The following USP6NL variants were observed in gnomAD, a reference collection of about 807,000 sequenced individuals.
The protein encoded by USP6NL is USP6 N-terminal like.
A neutral mutation model predicts 61.9 loss-of-function variants in USP6NL; 26 were observed. The observed-to-expected ratio is 0.42, with a 90% CI of 0.31 to 0.58. USP6NL has a LOEUF of 0.58. Among genes scored for constraint, USP6NL ranks in the 20% least tolerant of loss-of-function variants. USP6NL has a pLI of 0.16. For missense variants in USP6NL, 1,114 were observed against 1,034.3 expected (o/e 1.08, Z -1.06); for synonymous variants, 432 against 390.1 (o/e 1.11, Z -1.27).
At chr10:11,500,269 G>A (rs1834121348) in intron 7 of USP6NL, among the ~76,000 whole-genome samples, 1 of 151,840 alleles carries the variant, frequency 6.6e-6, no homozygotes, top group Non-Finnish European at 1.5e-5. Context: ...AACCACCATG[G>A]CATGGCACAC....
In USP6NL at chr10:11,484,848, T is replaced by A. The variant is rs914599608; in HGVS notation, c.925+123A>T. ...AATTGATGATAATTTCTCCACTGATTTTCAAAAAAAATTTAAACCACTATT... is the reference window on the plus strand; with the variant it reads ...AATTGATGATAATTTCTCCACTGATATTCAAAAAAAATTTAAACCACTATT... On this transcript the variant is annotated intron_variant, in intron 13 of 14. Coordinates refer to ENST00000609104, the MANE Select transcript of USP6NL (RefSeq NM_014688.5). 5 of 724,654 alleles carry A rather than the reference T, an allele frequency of 6.9e-6. No individual in the cohort carries two copies. The East Asian group carries it at 1.2e-4, about 17-fold the overall frequency. The allele number at this position is 724,654 out of a possible 1,614,324, so 44.9% of individuals were successfully genotyped here. A position where few individuals can be genotyped will look rare whatever the true frequency, so the allele number is the denominator to read the frequency against.
In USP6NL at chr10:11,499,760, G is replaced by A. The variant is rs1176054356; in HGVS notation, c.384+1341C>T. ...CCCTGAGAGAAAGTGTTGTCCTGCT[G>A]ACACCTTAATTTTGGACTTCTGTCC... On this transcript the variant is annotated intron_variant, in intron 7 of 14. Transcript: ENST00000609104. The surrounding 1 kb of genome is among the most constrained non-coding windows in gnomAD (Gnocchi z 4.5). Among the ~76,000 whole-genome samples the A allele has an allele frequency of 6.6e-6, 1 of 152,202 alleles. No homozygotes were observed. Among genetic ancestry groups the A allele is most frequent in the Non-Finnish European group, 1.5e-5 (1 of 68,040 alleles).
intron 2 of USP6NL, among the ~76,000 whole-genome samples, chr10:11,542,456 T>G (rs576825764): frequency 4.9e-4 from 75 of 152,250 alleles, no homozygotes; most frequent in Non-Finnish European, 9.7e-4. Flanking sequence ...CAGTGGCTCA[T>G]GCCTGTAATC....
In USP6NL at chr10:11,595,663, G is replaced by C. The variant is rs932443386; in HGVS notation, c.4+1968C>G. 3.3e-5 allele frequency among the ~76,000 whole-genome samples: 5 copies of C among 150,008 alleles called. No homozygotes were observed. The highest frequency in any genetic ancestry group is 1.2e-4 in the African/African-American group (5 of 41,346). On this transcript the variant is annotated intron_variant, in intron 2 of 14. Coordinates refer to ENST00000609104, the MANE Select transcript of USP6NL (RefSeq NM_014688.5). This position sits in a 1 kb window ranked among gnomAD's most constrained non-coding sequence, Gnocchi z 5.3. Reference sequence around the variant, plus strand: ...AAAACAAAAATCACAAAAAGAAAGAGAGAGACATAAGAGCAAAAAAACTTC... The same window carrying C: ...AAAACAAAAATCACAAAAAGAAAGACAGAGACATAAGAGCAAAAAAACTTC...
chr10:11,600,165 A>G lies in USP6NL; in HGVS notation c.-83-2448T>C, dbSNP rs1838470772. On this transcript the variant is annotated intron_variant, in intron 1 of 14. Coordinates refer to ENST00000609104, the MANE Select transcript of USP6NL (RefSeq NM_014688.5). The surrounding 1 kb of genome is among the most constrained non-coding windows in gnomAD (Gnocchi z 4.1). ...GGAAAAAGTAATGTCTTAAACCCAT[A>G]ATTTCACATCAAATTATATTGGGAT... Among the ~76,000 whole-genome samples the G allele has an allele frequency of 6.6e-6, 1 of 152,178 alleles. No individual in the cohort carries two copies. Among genetic ancestry groups the G allele is most frequent in the Non-Finnish European group, 1.5e-5 (1 of 68,040 alleles).
chr10:11,590,413 C>CA (rs946317226), intron 2 of USP6NL, among the ~76,000 whole-genome samples: 4 of 151,902 alleles, frequency 2.6e-5, no homozygotes, highest in South Asian at 2.1e-4. Flanking sequence ...GTGTTCAATG[C>CA]AAAAAAATGA....
At chr10:11,567,855 C>CT (rs1837220617) in intron 2 of USP6NL, among the ~76,000 whole-genome samples, 2 of 152,190 alleles carry the variant, frequency 1.3e-5, no homozygotes, top group Non-Finnish European at 2.9e-5. Flanking sequence ...ATTATTACCT[C>CT]TACTTTTCAG....
rs1022846424 is a variant in USP6NL, at chr10:11,600,735, C to T, written c.-83-3018G>A. On this transcript the variant is annotated intron_variant, in intron 1 of 14. Transcript: ENST00000609104. This position sits in a 1 kb window ranked among gnomAD's most constrained non-coding sequence, Gnocchi z 4.1. ...CTGTAATCCCAGCACTTTGGGAGGC[C>T]GAGGCGGGTGGATCACGAGGTCAGG... 2.0e-5 allele frequency among the ~76,000 whole-genome samples: 3 copies of T among 152,066 alleles called. No individual in the cohort carries two copies. The highest frequency in any genetic ancestry group is 2.9e-5 in the Non-Finnish European group (2 of 67,998).
At position 11,600,092 on chromosome 10, in the gene USP6NL, G is replaced by C. The variant is rs1838469068; in HGVS notation, c.-83-2375C>G. Among the ~76,000 whole-genome samples, 1 of 152,014 alleles carries C rather than the reference G, an allele frequency of 6.6e-6. No individual in the cohort carries two copies. The highest frequency in any genetic ancestry group is 2.1e-4 in the South Asian group (1 of 4,820). ...GCTACTTTTGCACTAAACATACAGA[G>C]GTGAAAGAAGAAAAACCTTACTTTC... is the stretch of plus-strand genomic sequence containing the variant. On this transcript the variant is annotated intron_variant, in intron 1 of 14. Transcript: ENST00000609104. The surrounding 1 kb of genome is among the most constrained non-coding windows in gnomAD (Gnocchi z 4.1).
At chr10:11,473,382 G>A (rs983669898) in intron 14 of USP6NL, among the ~76,000 whole-genome samples, 1 of 152,184 alleles carries the variant, frequency 6.6e-6, no homozygotes, top group African/African-American at 2.4e-5. Context: ...ATGTGTAGTG[G>A]ACGGGTCAGG....
chr10:11,463,532 G>A lies in USP6NL; in HGVS notation c.1396C>T (p.His466Tyr), dbSNP rs746900219. The change falls in exon 15 of 15, where the codon CAC becomes TAC. Residue 466 changes from histidine (H) to tyrosine (Y), a missense_variant. By Grantham distance (83) the His-to-Tyr change is moderately conservative. Transcript: ENST00000609104. The surrounding 1 kb of genome is among the most constrained non-coding windows in gnomAD (Gnocchi z 6.3). ...TTGCTATTTTGGTTGGCAGCTGCGT[G>A]ATTATATTGCCTGGAACTGTCCTGT... is the stretch of plus-strand genomic sequence containing the variant. The part of the protein sequence containing the change: ...GPQDSSRQYN[H>Y]AAANQNSNAT... The A allele has an allele frequency of 2.7e-5, 44 of 1,614,038 alleles. No individual in the cohort carries two copies. The highest frequency in any genetic ancestry group is 3.7e-5 in the Non-Finnish European group (44 of 1,179,896).
At chr10:11,477,500 T>C (rs1242864529) in intron 14 of USP6NL, among the ~76,000 whole-genome samples, 3 of 152,172 alleles carry the variant, frequency 2.0e-5, no homozygotes, top group African/African-American at 4.8e-5. Context: ...AAAACAATTA[T>C]ATCAGACGGA....
chr10:11,524,978 G>C (rs958287841), intron 4 of USP6NL, among the ~76,000 whole-genome samples: 3 of 152,122 alleles, frequency 2.0e-5, no homozygotes, highest in African/African-American at 7.2e-5. Flanking sequence ...TAACTATAAG[G>C]AAGATGAATG....
chr10:11,559,453 G>A (rs1836839748), intron 2 of USP6NL, among the ~76,000 whole-genome samples: 1 of 152,076 alleles, frequency 6.6e-6, no homozygotes, highest in Non-Finnish European at 1.5e-5. Flanking sequence ...TACACATAGG[G>A]CATCCACGCA....
At chr10:11,521,622 C>T (rs1296976745) in intron 4 of USP6NL, among the ~76,000 whole-genome samples, 2 of 152,088 alleles carry the variant, frequency 1.3e-5, no homozygotes, top group African/African-American at 4.8e-5. Context: ...TCTCGTGATC[C>T]GCCCGCCTGG....
rs554398509 is a variant in USP6NL, at chr10:11,485,878, C to G, written c.698G>C (p.Arg233Thr). The G allele has an allele frequency of 2.6e-6, 4 of 1,554,472 alleles. No individual in the cohort carries two copies. ...FFVQGFPKLL[R>T]FQEHHEKILN... ...TATTTTTTCATGATGTTCTTGAAAC[C>G]TCAAGAGTTTAGGAAAACCTTGGAC... is the stretch of plus-strand genomic sequence containing the variant. The change falls in exon 11 of 15, where the codon AGG (arginine) becomes ACG (threonine). Residue 233 changes from arginine to threonine, a missense_variant. Transcript: ENST00000609104. This position sits in a 1 kb window ranked among gnomAD's most constrained non-coding sequence, Gnocchi z 4.8.
At chr10:11,512,781 G>A (rs1476565064) in intron 5 of USP6NL, among the ~76,000 whole-genome samples, 4 of 152,054 alleles carry the variant, frequency 2.6e-5, no homozygotes, top group African/African-American at 7.2e-5. Flanking sequence ...AATGTCCAAC[G>A]CCTGGAACCT....
intron 4 of USP6NL, among the ~76,000 whole-genome samples, chr10:11,524,290 T>C (rs140922414): frequency 6.6e-6 from 1 of 152,352 alleles, no homozygotes; most frequent in African/African-American, 2.4e-5. Context: ...TTAGGTATAA[T>C]AACACTTAAT....
At chr10:11,529,116 G>A (rs1835539906) in intron 2 of USP6NL, among the ~76,000 whole-genome samples, 1 of 151,844 alleles carries the variant, frequency 6.6e-6, no homozygotes, top group South Asian at 2.1e-4. Context: ...ACAGATTGCT[G>A]AATCTTTAAG....
Sources: gnomAD v4.1 joint callset for allele counts (sites outside exome capture counted in the v4.1 genomes callset) on GRCh38, gnomAD v4.1.1 for gene constraint, Gnocchi (gnomAD v3.1) non-coding constraint, MANE v1.5 for transcripts, NCBI Gene and HGNC (gene_info 2026-07-23, HGNC 2026-07-21) for gene names.